The following DNAAF4 variants were observed in gnomAD, a reference collection of about 807,000 sequenced individuals.
The protein encoded by DNAAF4 is dynein assembly factor 4, axonemal.
Under a neutral mutation model 51.8 loss-of-function variants are expected in DNAAF4, and 43 were observed. That is an observed-to-expected ratio of 0.83 (90% confidence interval 0.65 to 1.07). The LOEUF (loss-of-function observed/expected upper bound fraction) is 1.07. Ranked by LOEUF, DNAAF4 falls within the 50% of genes least tolerant of loss-of-function variation. The probability of loss-of-function intolerance (pLI) is 0.00; values close to 1 mark genes in which losing one functional copy is unlikely to be tolerated. For missense variants in DNAAF4, 581 were observed against 493.0 expected (o/e 1.18, Z -1.69); for synonymous variants, 194 against 165.6 (o/e 1.17, Z -1.32).
chr15:55,464,032 G>A (rs954958500), intron 5 of DNAAF4, among the ~76,000 whole-genome samples: 2 of 151,996 alleles, frequency 1.3e-5, no homozygotes, highest in African/African-American at 4.8e-5. Context: ...AAATCTGAGG[G>A]GATCATATTA....
At chr15:55,465,342 G>A (rs1431957756) in intron 5 of DNAAF4, among the ~76,000 whole-genome samples, 4 of 150,786 alleles carry the variant, frequency 2.7e-5, no homozygotes, top group Non-Finnish European at 4.4e-5. Context: ...TATAGAACTA[G>A]CCTAAATGCC....
intron 8 of DNAAF4, among the ~76,000 whole-genome samples, chr15:55,433,768 A>ATTTGTTTTT (rs2057537177): frequency 8.6e-6 from 1 of 116,460 alleles, no homozygotes; most frequent in African/African-American, 3.3e-5. Flanking sequence ...AAATATATAT[A>ATTTGTTTTT]ATTGTTTTTA....
downstream of DNAAF4, among the ~76,000 whole-genome samples, chr15:55,426,524 T>A (rs1016570007): frequency 6.6e-6 from 1 of 152,206 alleles, no homozygotes; most frequent in Non-Finnish European, 1.5e-5. Flanking sequence ...TCTCTTTCAC[T>A]GTCTCAGTCA....
chr15:55,426,887 C>T (rs2057435228), downstream of DNAAF4, among the ~76,000 whole-genome samples: 1 of 152,178 alleles, frequency 6.6e-6, no homozygotes, highest in Admixed American at 6.6e-5. Flanking sequence ...TTGTATTATG[C>T]TGTTTCTTGT....
intron 7 of DNAAF4, among the ~76,000 whole-genome samples, chr15:55,422,522 CAAG>C (rs1207486762): frequency 6.6e-6 from 1 of 151,966 alleles, no homozygotes; most frequent in Non-Finnish European, 1.5e-5. Flanking sequence ...CAAATGAGAC[CAAG>C]AAGGAGTGAC....
Position 55,419,474 on chromosome 15 carries a change from G to A in DNAAF4, c.1048-1341C>T, listed in dbSNP as rs527980951. On this transcript the variant is annotated intron_variant, in intron 7 of 7. Transcript: ENST00000448430. ...GCTGATCTCAAACTCCTGTCCTCAA[G>A]CAGTCATCCTGCCTCGGCCTCCCAA... 4.6e-5 allele frequency among the ~76,000 whole-genome samples: 7 copies of A among 151,930 alleles called. No homozygotes were observed. The East Asian group carries it at 1.4e-3, about 30-fold the overall frequency.
intron 7 of DNAAF4, among the ~76,000 whole-genome samples, chr15:55,423,776 A>T (rs1383649729): frequency 6.6e-6 from 1 of 152,108 alleles, no homozygotes; most frequent in Non-Finnish European, 1.5e-5. Context: ...AATATGGTGA[A>T]ATGCTGTCTC....
chr15:55,493,343 CAGTT>C (rs2058599167), intron 3 of DNAAF4, among the ~76,000 whole-genome samples: 2 of 152,150 alleles, frequency 1.3e-5, no homozygotes, highest in Admixed American at 1.3e-4. Context: ...TGTTAAATAT[CAGTT>C]AGAGGTAAGT....
intron 5 of DNAAF4, among the ~76,000 whole-genome samples, chr15:55,456,680 A>T (rs2058025632): frequency 6.6e-6 from 1 of 152,156 alleles, no homozygotes; most frequent in Non-Finnish European, 1.5e-5. Context: ...CAGCTGAAAA[A>T]CCGTGAGTTC....
intron 5 of DNAAF4, among the ~76,000 whole-genome samples, chr15:55,461,320 T>A (rs920472968): frequency 6.6e-6 from 1 of 151,630 alleles, no homozygotes; most frequent in African/African-American, 2.4e-5. Context: ...ATGGTCTCGA[T>A]CTCCTGACCT....
chr15:55,448,519 GGTGTGTGTGTGTGTGTGTGTGTGT>G (rs111911388), intron 6 of DNAAF4, among the ~76,000 whole-genome samples: 1 of 99,890 alleles, frequency 1.0e-5, no homozygotes, highest in Non-Finnish European at 1.8e-5. Flanking sequence ...AAAAAAAAAG[GGTGTGTGTGTGTGTGTGTGTGTGT>G]GTGTGTGTGT....
At chr15:55,473,336 T>C (rs1390636004) in intron 4 of DNAAF4, among the ~76,000 whole-genome samples, 1 of 143,384 alleles carries the variant, frequency 7.0e-6, no homozygotes, top group Non-Finnish European at 1.5e-5. Context: ...TATATATGTG[T>C]GTATATATAT....
At chr15:55,483,086 C>CTTTA (rs565743327) in intron 4 of DNAAF4, among the ~76,000 whole-genome samples, 434 of 151,786 alleles carry the variant, frequency 2.9e-3, no homozygotes, top group African/African-American at 6.4e-3. Context: ...AAATAGGGCT[C>CTTTA]TTTATTTATT....
chr15:55,497,990 G>T, intron 2 of DNAAF4, 131 bp from the exon 3 acceptor site: 1 of 1,346,242 alleles, frequency 7.4e-7, no homozygotes, highest in Non-Finnish European at 1.0e-6. Flanking sequence ...TGAAAGATTA[G>T]CAAGGCATAT....
intron 5 of DNAAF4, among the ~76,000 whole-genome samples, chr15:55,461,969 G>C (rs1162678425): frequency 6.6e-6 from 1 of 152,016 alleles, no homozygotes; most frequent in Non-Finnish European, 1.5e-5. Flanking sequence ...ATACCACAGG[G>C]ATACAAAAGA....
chr15:55,469,523 C>T (rs1217389682), intron 4 of DNAAF4, among the ~76,000 whole-genome samples: 68 of 108,276 alleles, frequency 6.3e-4, no homozygotes, highest in Non-Finnish European at 9.3e-4. Flanking sequence ...CACTCTGTCG[C>T]CCAGGCTGGA....
chr15:55,430,505 T>A lies in DNAAF4; in HGVS notation c.*165A>T. On this transcript the variant is annotated 3_prime_UTR_variant, in exon 10 of 10. Transcript: ENST00000321149. ...TTAGATTTACTTATTCAGAAATGAT[T>A]CAAGTCAAACAGTTTATTTTCTATA... is the stretch of plus-strand genomic sequence containing the variant. The A allele has an allele frequency of 8.3e-7, 1 of 1,205,658 alleles. No homozygotes were observed. Among genetic ancestry groups the A allele is most frequent in the Non-Finnish European group, 1.0e-6 (1 of 957,288 alleles). The allele number at this position is 1,205,658 out of a possible 1,614,324, so 74.7% of individuals were successfully genotyped here.
rs112656354 is a variant in DNAAF4 at position 55,475,366 on chromosome 15, T to C, written c.406-8205A>G. Among the ~76,000 whole-genome samples, 5 of 152,264 alleles carry C rather than the reference T, an allele frequency of 3.3e-5. 1 individual carries two copies. The highest frequency in any genetic ancestry group is 1.2e-4 in the African/African-American group (5 of 41,554). On this transcript the variant is annotated intron_variant, in intron 4 of 9. Coordinates refer to ENST00000321149, the MANE Select transcript of DNAAF4 (RefSeq NM_130810.4). ...AAGAAGACTACAAAGAGAAAAGTCT[T>C]TAGTCTAGAAAAGCTGCTAAAGTTC...
In DNAAF4 at chr15:55,432,611, A is replaced by G. The variant is rs2057513826; in HGVS notation, c.1048-9T>C. 6.3e-7 allele frequency: 1 copy of G among 1,594,096 alleles called. No homozygotes were observed. The highest frequency in any genetic ancestry group is 1.7e-4 in the Middle Eastern group (1 of 6,008). On this transcript the variant is annotated splice_polypyrimidine_tract_variant and intron_variant, in intron 8 of 9. Transcript: ENST00000321149. ...ATCAATAATTCCAGTGCCTTACAAAATATATATAATTATTACAAGAAAGTT... is the reference window on the plus strand; with the variant it reads ...ATCAATAATTCCAGTGCCTTACAAAGTATATATAATTATTACAAGAAAGTT...
Sources: allele counts gnomAD v4.1 joint callset (sites outside exome capture counted in the v4.1 genomes callset), GRCh38; gene constraint gnomAD v4.1.1; transcripts MANE v1.5; gene names NCBI Gene and HGNC (gene_info 2026-07-23, HGNC 2026-07-21).